The following HYDIN variants were observed in gnomAD, a reference collection of about 807,000 sequenced individuals.
HYDIN encodes axonemal central pair apparatus protein HYDIN.
Under a neutral mutation model 403.9 loss-of-function variants are expected in HYDIN, and 132 were observed. That is an observed-to-expected ratio of 0.33 (90% CI 0.28 to 0.38). The LOEUF (loss-of-function observed/expected upper bound fraction) is 0.38, where lower values mean the gene tolerates loss of function less well. HYDIN is among the 10% of genes least tolerant of loss of function. The pLI is 1.00. For missense variants in HYDIN, 2,827 were observed against 5,009.5 expected, an observed-to-expected ratio of 0.56 and a Z score of 13.15; for synonymous variants, 1,202 against 1,891.7, an observed-to-expected ratio of 0.64 and a Z score of 9.46.
intron 1 of HYDIN, among the ~76,000 whole-genome samples, chr16:71,228,863 T>C (rs1431123891): frequency 6.6e-6 from 1 of 152,160 alleles, no homozygotes; most frequent in Non-Finnish European, 1.5e-5. Flanking sequence ...ACACATATGT[T>C]TATTGCGGCA....
At chr16:71,222,020 A>C (rs1397661469) in intron 1 of HYDIN, among the ~76,000 whole-genome samples, 1 of 152,174 alleles carries the variant, frequency 6.6e-6, no homozygotes, top group Non-Finnish European at 1.5e-5. Context: ...TATTTTCTGT[A>C]CATCACTTTC....
chr16:71,116,291 T>C (rs2084028804), intron 9 of HYDIN, among the ~76,000 whole-genome samples: 1 of 151,876 alleles, frequency 6.6e-6, no homozygotes, highest in Non-Finnish European at 1.5e-5. Flanking sequence ...ATGTGGTATT[T>C]GTCTTTCTGT....
intron 39 of HYDIN, among the ~76,000 whole-genome samples, chr16:70,957,327 T>C (rs1233865190): frequency 9.1e-6 from 1 of 109,798 alleles, no homozygotes; most frequent in Non-Finnish European, 1.6e-5. Context: ...ATTTCCTTCC[T>C]ATTTTTTTTT....
chr16:71,148,232 T>A (rs1291936385), intron 7 of HYDIN, among the ~76,000 whole-genome samples: 4 of 151,384 alleles, frequency 2.6e-5, no homozygotes, highest in African/African-American at 9.7e-5. Flanking sequence ...TAGAAGGAAA[T>A]TTTTTTAACC....
In HYDIN at chr16:70,834,117, T is replaced by G. The variant is rs750133576; in HGVS notation, c.13449A>C (p.Glu4483Asp). 1.2e-6 allele frequency: 2 copies of G among 1,613,508 alleles called. No individual in the cohort carries two copies. The highest frequency in any genetic ancestry group is 3.3e-5 in the Admixed American group (2 of 59,992). ...PFHNITLKPK[E>D]VCKLEVIFAP... ...CAAAGATGACTTCCAGTTTACAGAC[T>G]TCTTTGGGCTTCAGTGTGATGTTGT... Residue 4483 changes from glutamate to aspartate, a missense_variant, in exon 79 of 86, where the codon GAA becomes GAC. Glu to Asp is a conservative substitution (Grantham distance 45). Transcript: ENST00000393567.
chr16:71,161,499 C>T (rs1230754596), intron 6 of HYDIN, among the ~76,000 whole-genome samples: 1 of 152,168 alleles, frequency 6.6e-6, no homozygotes, highest in Non-Finnish European at 1.5e-5. Flanking sequence ...TAAAATCCAG[C>T]TCTATCACTT....
chr16:71,157,483 C>T (rs1278640081), intron 6 of HYDIN, among the ~76,000 whole-genome samples: 4 of 149,772 alleles, frequency 2.7e-5, no homozygotes, highest in Non-Finnish European at 4.5e-5. Context: ...CAGGGGATCT[C>T]CTTAGAGATT....
At chr16:70,953,610 G>A (rs783740) in intron 40 of HYDIN, among the ~76,000 whole-genome samples, 10 of 151,970 alleles carry the variant, frequency 6.6e-5, no homozygotes, top group Admixed American at 3.9e-4. Flanking sequence ...AACCTGCCTC[G>A]TCCAGCAAAC....
chr16:70,863,465 T>A (rs2039536238), intron 67 of HYDIN, among the ~76,000 whole-genome samples: 1 of 152,232 alleles, frequency 6.6e-6, no homozygotes, highest in Non-Finnish European at 1.5e-5. Flanking sequence ...TCAGCATGCA[T>A]GGCAGTAATC....
intron 10 of HYDIN, among the ~76,000 whole-genome samples, chr16:71,105,293 G>A (rs1172144909): frequency 6.6e-6 from 1 of 151,740 alleles, no homozygotes; most frequent in African/African-American, 2.4e-5. Context: ...AAGAGACATG[G>A]TAATTCCACA....
chr16:70,819,189 A>G (rs985310309), intron 83 of HYDIN, among the ~76,000 whole-genome samples: 1 of 151,990 alleles, frequency 6.6e-6, no homozygotes, highest in Non-Finnish European at 1.5e-5. Context: ...TGCTAGGATT[A>G]TAGGTGTGAG....
At chr16:71,148,891 T>TG (rs1192191534) in intron 7 of HYDIN, among the ~76,000 whole-genome samples, 1 of 130,246 alleles carries the variant, frequency 7.7e-6, no homozygotes, top group Non-Finnish European at 1.6e-5. Context: ...CCTGATTAGC[T>TG]GGGACTACAG....
At chr16:70,897,536 T>G (rs139704964) in intron 53 of HYDIN, among the ~76,000 whole-genome samples, 2,569 of 149,754 alleles carry the variant, frequency 0.017, 45 homozygotes, top group Middle Eastern at 0.082. Context: ...CAAGGTGGGC[T>G]GACAGGATGT....
At chr16:71,048,974 T>C (rs2081543082) in intron 18 of HYDIN, among the ~76,000 whole-genome samples, 1 of 152,218 alleles carries the variant, frequency 6.6e-6, no homozygotes, top group South Asian at 2.1e-4. Flanking sequence ...AAAAAGTAGT[T>C]AAGAGGGCTG....
In HYDIN at chr16:70,972,002, CTT is replaced by C. The variant is rs1321122337; in HGVS notation, c.5380-1245_5380-1244del. Among the ~76,000 whole-genome samples the C allele has an allele frequency of 2.6e-5, 4 of 151,952 alleles. No homozygotes were observed. The East Asian group carries it at 7.7e-4, about 29-fold the overall frequency. ...TTAATTGGTGGAAACATTTTACTAA[CTT>C]TGACCAATTCCAACTCAACATTCAT... On this transcript the variant is annotated intron_variant, in intron 35 of 85. Transcript: ENST00000393567.
At chr16:71,047,352 T>G (rs560744447) in intron 18 of HYDIN, among the ~76,000 whole-genome samples, 27 of 152,026 alleles carry the variant, frequency 1.8e-4, no homozygotes, top group Admixed American at 1.8e-3. Context: ...TTTCTCTCAG[T>G]GTGGTTTATA....
chr16:71,203,847 T>C (rs930646959), intron 1 of HYDIN: 6 of 454,548 alleles, frequency 1.3e-5, no homozygotes, highest in East Asian at 1.4e-4. Context: ...GGCAGATCAC[T>C]TGAGCTCAGG....
At chr16:70,980,385 T>C (rs1347819266) in intron 29 of HYDIN, among the ~76,000 whole-genome samples, 4 of 151,668 alleles carry the variant, frequency 2.6e-5, no homozygotes, top group Non-Finnish European at 5.9e-5. Context: ...TGCACATCTG[T>C]AGTCCCAGCT....
rs997782569 is a variant in HYDIN at position 70,931,955 on chromosome 16, C to T, written c.7158+3997G>A. 2.6e-4 allele frequency among the ~76,000 whole-genome samples: 31 copies of T among 118,306 alleles called. 1 individual carries two copies. Among genetic ancestry groups the T allele is most frequent in the Admixed American group, 2.4e-3 (22 of 9,128 alleles). 77.6% of individuals were successfully genotyped at this position (118,306 alleles called of 152,430 possible). A position where few individuals can be genotyped will look rare whatever the true frequency, so the allele number is the denominator to read the frequency against. ...GCTTGAACCCAGGAGGTGGAGGTTG[C>T]GGCCGAGATCCCACCACTGCACTGT... On this transcript the variant is annotated intron_variant, in intron 45 of 85. Coordinates refer to ENST00000393567, the MANE Select transcript of HYDIN (RefSeq NM_001270974.2).
Sources: gnomAD v4.1 joint callset for allele counts (sites outside exome capture counted in the v4.1 genomes callset) on GRCh38, gnomAD v4.1.1 for gene constraint, MANE v1.5 for transcripts, NCBI Gene and HGNC (gene_info 2026-07-23, HGNC 2026-07-21) for gene names.